Variants in TUBA3C observed in about 807,000 individuals in gnomAD.
TUBA3C encodes the protein tubulin alpha 3c, also known as tubulin alpha-3C chain.
Under a neutral mutation model 33.4 loss-of-function variants are expected in TUBA3C, and 23 were observed. That is an observed-to-expected ratio of 0.69 (90% CI 0.50 to 0.98). TUBA3C has a LOEUF of 0.98. Among genes scored for constraint, TUBA3C ranks in the 50% least tolerant of loss-of-function variants. TUBA3C has a pLI of 0.00. For synonymous variants in TUBA3C, 269 were observed against 250.4 expected (o/e 1.07, Z -0.70); for missense variants, 402 against 616.0 (o/e 0.65, Z 3.68).
intron 4 of TUBA3C, 52 bp from the exon 5 acceptor site, chr13:19,174,211 A>T: frequency 6.5e-7 from 1 of 1,549,682 alleles, no homozygotes; most frequent in Non-Finnish European, 8.7e-7. Context: ...AAACCTGGAA[A>T]TGGTGGCTGC....
chr13:19,178,251 T>G lies in TUBA3C; in HGVS notation c.370A>C (p.Lys124Gln). ...ATGAAGCCTTCTCTTCTTACCAGTTTGCGGATCCGGTCCAGGACCAGGTCG... is the reference window on the plus strand; with the variant it reads ...ATGAAGCCTTCTCTTCTTACCAGTTGGCGGATCCGGTCCAGGACCAGGTCG... ...IVDLVLDRIR[K>Q]LADLCTGLQG... is the part of the protein sequence containing the mutation. The change falls in exon 3 of 5, where the codon AAA becomes CAA. Residue 124 changes from lysine (K) to glutamine (Q), a missense_variant. Physicochemically the swap from Lys to Gln is moderately conservative, Grantham distance 53. Transcript: ENST00000400113. The G allele has an allele frequency of 6.2e-7, 1 of 1,614,168 alleles. No homozygotes were observed. Among genetic ancestry groups the G allele is most frequent in the East Asian group, 2.2e-5 (1 of 44,884 alleles).
chr13:19,175,187 G>A (rs1031743900), intron 4 of TUBA3C, among the ~76,000 whole-genome samples: 3 of 152,168 alleles, frequency 2.0e-5, no homozygotes, highest in Non-Finnish European at 2.9e-5. Context: ...AGGAGGCGGA[G>A]CTTGCAGTGA....
chr13:19,181,645 C>G, intron 1 of TUBA3C, 100 bp downstream of exon 1: 1 of 1,555,318 alleles, frequency 6.4e-7, no homozygotes, highest in Non-Finnish European at 8.7e-7. Context: ...TTTCTGCACC[C>G]TGGCCCGCAA....
At chr13:19,181,511 G>C (rs1204931682) in intron 1 of TUBA3C, among the ~76,000 whole-genome samples, 2 of 152,162 alleles carry the variant, frequency 1.3e-5, no homozygotes, top group Non-Finnish European at 2.9e-5. Flanking sequence ...CCCGTCCACT[G>C]ACTCAAGGCC....
chr13:19,180,985 T>C (rs1273813806), intron 1 of TUBA3C, among the ~76,000 whole-genome samples: 8 of 151,072 alleles, frequency 5.3e-5, no homozygotes, highest in Non-Finnish European at 1.0e-4. Context: ...AAAAGATACT[T>C]GACAAACCAC....
At position 19,179,543 on chromosome 13, in the gene TUBA3C, G is replaced by T. The variant is rs765802600; in HGVS notation, c.24C>A (p.His8Gln). The T allele has an allele frequency of 6.8e-6, 11 of 1,614,062 alleles. No individual in the cohort carries two copies. In the African/African-American group the frequency reaches 1.2e-4, roughly 18 times the overall value. Residue 8 changes from histidine (H) to glutamine (Q), a missense_variant, in exon 2 of 5, where the codon CAC becomes CAA. His to Gln is a conservative substitution (Grantham distance 24, BLOSUM62 0). Transcript: ENST00000400113. ...CGATCTGGACTCCTGCCTGCCCCAC[G>T]TGGATAGAGATACACTCACGCTGTG... MRECISIHVGQAGVQIGN... is the reference protein window; with the variant it reads MRECISIQVGQAGVQIGN...
intron 3 of TUBA3C, among the ~76,000 whole-genome samples, chr13:19,178,006 C>T (rs1350735151): frequency 6.6e-6 from 1 of 152,166 alleles, no homozygotes; most frequent in Non-Finnish European, 1.5e-5. Context: ...ACCACCACGC[C>T]TGACTAATGT....
At chr13:19,175,987 G>A (rs952963899) in intron 4 of TUBA3C, among the ~76,000 whole-genome samples, 3 of 152,082 alleles carry the variant, frequency 2.0e-5, no homozygotes, top group East Asian at 1.9e-4. Context: ...CAGGTGATCC[G>A]CCTGCCTTGG....
intron 2 of TUBA3C, 54 bp from the exon 3 acceptor site, chr13:19,178,448 T>A (rs1334274614): frequency 1.7e-5 from 28 of 1,603,540 alleles, no homozygotes; most frequent in Non-Finnish European, 2.1e-5. Flanking sequence ...CTCACCAAGA[T>A]GGACACATTC....
rs935854539 is a variant in TUBA3C, at chr13:19,176,125, G to T, written c.1056+802C>A. Among the ~76,000 whole-genome samples the T allele has an allele frequency of 1.3e-4, 19 of 151,802 alleles. No homozygotes were observed. In the East Asian group the frequency reaches 3.7e-3, roughly 30 times the overall value. On this transcript the variant is annotated intron_variant, in intron 4 of 4. Transcript: ENST00000400113. ...ACAGGTGGGATTCTGTCTCAAAAAAGTAAATAAATAGGGTTGAGCACAGTG... is the reference window on the plus strand; with the variant it reads ...ACAGGTGGGATTCTGTCTCAAAAAATTAAATAAATAGGGTTGAGCACAGTG...
intron 4 of TUBA3C, among the ~76,000 whole-genome samples, chr13:19,176,526 G>A (rs532026657): frequency 1.8e-4 from 28 of 151,722 alleles, no homozygotes; most frequent in Admixed American, 1.3e-3. Flanking sequence ...GGCCAAGGTG[G>A]GTGGCTCACC....
Position 19,179,443 on chromosome 13 carries a change from T to C in TUBA3C, c.124A>G (p.Ile42Val), listed in dbSNP as rs1426916075. Residue 42 changes from isoleucine (I) to valine (V), a missense_variant, in exon 2 of 5, where the codon ATT becomes GTT. Physicochemically the swap from Ile to Val is conservative, Grantham distance 29. Transcript: ENST00000400113. ...PDGQMPSDKT[I>V]GGGDDSFNTF... ...TTGAAGGAGTCGTCCCCACCACCAA[T>C]GGTTTTATCACTTGGCATCTGACCA... 5.6e-6 allele frequency: 9 copies of C among 1,613,890 alleles called. No individual in the cohort carries two copies. The highest frequency in any genetic ancestry group is 5.9e-6 in the Non-Finnish European group (7 of 1,179,954).
At chr13:19,178,437 A>C (rs1181372858) in intron 2 of TUBA3C, 43 bp from the exon 3 acceptor site, 1 of 1,607,854 alleles carries the variant, frequency 6.2e-7, no homozygotes, top group African/African-American at 1.3e-5. Flanking sequence ...TAAGGCCTAT[A>C]CTCACCAAGA....
At position 19,177,636 on chromosome 13, in the gene TUBA3C, T is replaced by A. The variant is rs201171731; in HGVS notation, c.376-29A>T. ...AGGGAAACCAGACAACATGAATCAATGCCCGTGGAAGCCACACCACCAACC... is the reference window on the plus strand; with the variant it reads ...AGGGAAACCAGACAACATGAATCAAAGCCCGTGGAAGCCACACCACCAACC... On this transcript the variant is annotated intron_variant, in intron 3 of 4. Coordinates refer to ENST00000400113, the MANE Select transcript of TUBA3C (RefSeq NM_006001.3). This position sits in a 1 kb window ranked among gnomAD's most constrained non-coding sequence, Gnocchi z 5.0. 1 of 1,535,764 alleles carries A rather than the reference T, an allele frequency of 6.5e-7. No homozygotes were observed. The highest frequency in any genetic ancestry group is 2.3e-5 in the East Asian group (1 of 44,234).
Position 19,179,689 on chromosome 13 carries a change from T to A in TUBA3C, c.4-126A>T, listed in dbSNP as rs946411393. On this transcript the variant is annotated intron_variant, in intron 1 of 4. Coordinates refer to ENST00000400113, the MANE Select transcript of TUBA3C (RefSeq NM_006001.3). ...TATCTGGTGCTTTCACAATTGATAT[T>A]TCCTAGGAGGGTTAGGTGACTGACC... 2.5e-5 allele frequency: 33 copies of A among 1,336,368 alleles called. No homozygotes were observed. In the South Asian group the frequency reaches 3.6e-4, roughly 15 times the overall value. The allele number at this position is 1,336,368 out of a possible 1,614,324, so 82.8% of individuals were successfully genotyped here. A position where few individuals can be genotyped will look rare whatever the true frequency, so the allele number is the denominator to read the frequency against.
In TUBA3C at chr13:19,178,253, C is replaced by T. The variant is rs1277948755; in HGVS notation, c.368G>A (p.Arg123His). The T allele has an allele frequency of 2.5e-6, 4 of 1,613,980 alleles. No homozygotes were observed. Among genetic ancestry groups the T allele is most frequent in the East Asian group, 2.2e-5 (1 of 44,892 alleles). Residue 123 changes from arginine (R) to histidine (H), a missense_variant, in exon 3 of 5, where the codon CGC (arginine) becomes CAC (histidine). Coordinates refer to ENST00000400113, the MANE Select transcript of TUBA3C (RefSeq NM_006001.3). ...EIVDLVLDRI[R>H]KLADLCTGLQ... Reference sequence around the variant, plus strand: ...GAAGCCTTCTCTTCTTACCAGTTTGCGGATCCGGTCCAGGACCAGGTCGAC... The same window carrying T: ...GAAGCCTTCTCTTCTTACCAGTTTGTGGATCCGGTCCAGGACCAGGTCGAC...
At chr13:19,180,785 G>A (rs1047185739) in intron 1 of TUBA3C, among the ~76,000 whole-genome samples, 5 of 151,846 alleles carry the variant, frequency 3.3e-5, no homozygotes, top group Non-Finnish European at 5.9e-5. Context: ...GTGAGCCACA[G>A]CGCCCGGCCG....
intron 4 of TUBA3C, among the ~76,000 whole-genome samples, 189 bp downstream of exon 4, chr13:19,176,725 CAAAAAAAAAAAAA>C (rs55746544): frequency 0.01 from 349 of 34,608 alleles, 7 homozygotes; most frequent in African/African-American, 0.022. Context: ...GACTCTGCCT[CAAAAAAAAAAAAA>C]AAAAAAAAAA....
chr13:19,178,728 C>T (rs1869292431), intron 2 of TUBA3C, among the ~76,000 whole-genome samples: 1 of 152,186 alleles, frequency 6.6e-6, no homozygotes, highest in Non-Finnish European at 1.5e-5. Flanking sequence ...CTACATGTAG[C>T]TACATCGAAG....
Sources: gnomAD v4.1 joint callset for allele counts (sites outside exome capture counted in the v4.1 genomes callset) on GRCh38, gnomAD v4.1.1 for gene constraint, Gnocchi (gnomAD v3.1) non-coding constraint, MANE v1.5 for transcripts, NCBI Gene and HGNC (gene_info 2026-07-23, HGNC 2026-07-21) for gene names.